Variants in ANKRD42 observed in about 807,000 individuals in gnomAD.
ANKRD42 encodes the protein ankyrin repeat domain-containing protein 42.
In ANKRD42, 43 loss-of-function variants were observed where a neutral mutation model predicts 51.5. The ratio of observed to expected loss-of-function variants is 0.83; its 90% CI spans 0.65 to 1.08. The LOEUF (loss-of-function observed/expected upper bound fraction) is 1.08, where lower values mean the gene tolerates loss of function less well. Ranked by LOEUF, ANKRD42 falls within the 50% of genes least tolerant of loss-of-function variation. The probability of loss-of-function intolerance (pLI) is 0.00; values close to 1 mark genes in which losing one functional copy is unlikely to be tolerated. For synonymous variants in ANKRD42, 203 were observed against 213.0 expected (o/e 0.95, Z 0.41); for missense variants, 608 against 629.3 (o/e 0.97, Z 0.36).
chr11:83,217,714 C>G (rs1862585381), intron 5 of ANKRD42, among the ~76,000 whole-genome samples: 1 of 152,198 alleles, frequency 6.6e-6, no homozygotes, highest in South Asian at 2.1e-4. Context: ...AGTGCGCCTT[C>G]CAGTGATTGC....
Position 83,210,437 on chromosome 11 carries a change from A to G in ANKRD42, c.450+18A>G, listed in dbSNP as rs748450866. On this transcript the variant is annotated intron_variant, in intron 4 of 10. Coordinates refer to ENST00000533342, the MANE Select transcript of ANKRD42 (RefSeq NM_001300975.2). The stretch of plus-strand genomic sequence containing the variant: ...GTGGAGTGGTGAGTGACTCCTGTTA[A>G]TATGTGCTAATGTGTGATAATATAG... The G allele has an allele frequency of 6.2e-7, 1 of 1,613,206 alleles. No homozygotes were observed. The highest frequency in any genetic ancestry group is 8.5e-7 in the Non-Finnish European group (1 of 1,179,386).
At chr11:83,236,312 C>T (rs55865715) in intron 7 of ANKRD42, 92 bp from the exon 8 acceptor site, 2 of 905,960 alleles carry the variant, frequency 2.2e-6, no homozygotes, top group African/African-American at 1.7e-5. Context: ...ACTAAGTACT[C>T]TATAATGGTA....
chr11:83,226,220 C>CACACAT (rs1279627306), intron 6 of ANKRD42, among the ~76,000 whole-genome samples: 1 of 152,002 alleles, frequency 6.6e-6, no homozygotes, highest in African/African-American at 2.4e-5. Flanking sequence ...TACACACACA[C>CACACAT]ACACACATAC....
intron 9 of ANKRD42, among the ~76,000 whole-genome samples, chr11:83,243,191 A>G (rs973673098): frequency 1.3e-5 from 2 of 152,086 alleles, no homozygotes; most frequent in South Asian, 4.2e-4. Context: ...ATGGCATTTC[A>G]TTGTGGTTTT....
chr11:83,212,667 C>A (rs1327917675), intron 5 of ANKRD42: 1 of 1,536,004 alleles, frequency 6.5e-7, no homozygotes, highest in East Asian at 2.4e-5. Context: ...TCCTTAGATC[C>A]CTGTGGAGCC....
chr11:83,224,513 A>T (rs181912325), intron 5 of ANKRD42, among the ~76,000 whole-genome samples: 18 of 152,328 alleles, frequency 1.2e-4, no homozygotes, highest in Admixed American at 2.6e-4. Context: ...CAGGCTGGGA[A>T]AAAGGTCTCT....
intron 1 of ANKRD42, among the ~76,000 whole-genome samples, chr11:83,195,150 C>G (rs1043936682): frequency 3.3e-5 from 5 of 152,260 alleles, no homozygotes; most frequent in South Asian, 4.1e-4. Flanking sequence ...CAGCTTTTAC[C>G]CCTTGATGAT....
At chr11:83,199,920 C>T (rs1284290299) in intron 2 of ANKRD42, among the ~76,000 whole-genome samples, 1 of 152,136 alleles carries the variant, frequency 6.6e-6, no homozygotes, top group African/African-American at 2.4e-5. Flanking sequence ...TTCTTTGGAG[C>T]CTGATGGTTC....
At position 83,224,977 on chromosome 11, in the gene ANKRD42, C is replaced by G; in HGVS notation, c.709C>G (p.Gln237Glu). 1 of 1,613,544 alleles carries G rather than the reference C, an allele frequency of 6.2e-7. No individual in the cohort carries two copies. Among genetic ancestry groups the G allele is most frequent in the South Asian group, 1.1e-5 (1 of 91,032 alleles). ...TGGAGAAAATGTACTGGATTTGGCC[C>G]AGAGGTTCTTCAAGCAGAACATTTT... ...DNGENVLDLA[Q>E]RFFKQNILQF... is the part of the protein sequence containing the mutation. Residue 237 changes from glutamine to glutamate, a missense_variant, in exon 6 of 11, where the codon CAG (glutamine) becomes GAG (glutamate). Physicochemically the swap from Gln to Glu is conservative, Grantham distance 29. Coordinates refer to ENST00000533342, the MANE Select transcript of ANKRD42 (RefSeq NM_001300975.2).
rs1862266693 is a variant in ANKRD42, at chr11:83,210,390, A to G, written c.421A>G (p.Thr141Ala). The G allele has an allele frequency of 6.2e-7, 1 of 1,613,984 alleles. No homozygotes were observed. The highest frequency in any genetic ancestry group is 8.5e-7 in the Non-Finnish European group (1 of 1,179,914). ...HLAATHGHSFTLQIMLRSGVD... is the reference protein window; with the variant it reads ...HLAATHGHSFALQIMLRSGVD... ...TGCTGCAACTCATGGACATTCTTTC[A>G]CTTTACAAATAATGCTCCGAAGTGG... The change falls in exon 4 of 11, where the codon ACT becomes GCT. Residue 141 changes from threonine (T) to alanine (A), a missense_variant. Coordinates refer to ENST00000533342, the MANE Select transcript of ANKRD42 (RefSeq NM_001300975.2).
chr11:83,220,830 T>C (rs1294557930), intron 5 of ANKRD42, among the ~76,000 whole-genome samples: 1 of 152,236 alleles, frequency 6.6e-6, no homozygotes, highest in Non-Finnish European at 1.5e-5. Flanking sequence ...TCTTTGACCT[T>C]TGAGAGTTTG....
intron 1 of ANKRD42, among the ~76,000 whole-genome samples, chr11:83,195,662 GTTATC>G (rs1409973490): frequency 2.6e-5 from 4 of 152,066 alleles, no homozygotes; most frequent in Non-Finnish European, 5.9e-5. Flanking sequence ...ACACCTTGGA[GTTATC>G]TTATTACTTT....
rs138571031 is a variant in ANKRD42, at chr11:83,205,970, T to A, written c.223-88T>A. Reference sequence around the variant, plus strand: ...CATGGATCTCTCATTCACTACAGTCTGCTATTTTATGATAACAGACCAAAT... The same window carrying A: ...CATGGATCTCTCATTCACTACAGTCAGCTATTTTATGATAACAGACCAAAT... On this transcript the variant is annotated intron_variant, in intron 2 of 10. Coordinates refer to ENST00000533342, the MANE Select transcript of ANKRD42 (RefSeq NM_001300975.2). The A allele has an allele frequency of 2.4e-3, 2,603 of 1,078,118 alleles. 42 individuals carry two copies. In the African/African-American group the frequency reaches 0.036, roughly 15 times the overall value. The allele number at this position is 1,078,118 out of a possible 1,614,324, so 66.8% of individuals were successfully genotyped here. A position where few individuals can be genotyped will look rare whatever the true frequency, so the allele number is the denominator to read the frequency against.
At position 83,210,358 on chromosome 11, in the gene ANKRD42, T is replaced by C. The variant is rs1565180557; in HGVS notation, c.389T>C (p.Leu130Ser). The change falls in exon 4 of 11, where the codon TTA becomes TCA. Residue 130 changes from leucine (L) to serine (S), a missense_variant. Leu to Ser is a moderately radical substitution (Grantham distance 145). Transcript: ENST00000533342. ...TAQDDRGCTP[L>S]HLAATHGHSF... Reference sequence around the variant, plus strand: ...CAGGATGACCGGGGATGCACTCCTTTACATCTTGCTGCAACTCATGGACAT... The same window carrying C: ...CAGGATGACCGGGGATGCACTCCTTCACATCTTGCTGCAACTCATGGACAT... The C allele has an allele frequency of 6.2e-7, 1 of 1,613,948 alleles. No homozygotes were observed. The highest frequency in any genetic ancestry group is 8.5e-7 in the Non-Finnish European group (1 of 1,179,954).
At chr11:83,228,248 T>C (rs1388006645) in intron 7 of ANKRD42, among the ~76,000 whole-genome samples, 16 of 122,502 alleles carry the variant, frequency 1.3e-4, no homozygotes, top group Middle Eastern at 3.6e-3. Flanking sequence ...TTTTTTTTTT[T>C]TTTTTTTTTT....
intron 5 of ANKRD42, among the ~76,000 whole-genome samples, chr11:83,211,863 GTATA>G (rs1862334664): frequency 6.6e-6 from 1 of 152,006 alleles, no homozygotes; most frequent in East Asian, 1.9e-4. Context: ...AAACGAAGTA[GTATA>G]TATGTTGACA....
At position 83,193,742 on chromosome 11, in the gene ANKRD42, T is replaced by A. The variant is rs988002868; in HGVS notation, c.-929T>A. Reference sequence around the variant, plus strand: ...TTTCCAAGGCGACGGCCCTGCTGCCTCTCCAGCCAAGTGGCTGGAGTCGGG... The same window carrying A: ...TTTCCAAGGCGACGGCCCTGCTGCCACTCCAGCCAAGTGGCTGGAGTCGGG... On this transcript the variant is annotated 5_prime_UTR_variant, in exon 1 of 11. Transcript: ENST00000533342. The A allele has an allele frequency of 1.4e-5, 6 of 422,480 alleles. No homozygotes were observed. Among genetic ancestry groups the A allele is most frequent in the Non-Finnish European group, 2.8e-5 (6 of 211,624 alleles). The allele number at this position is 422,480 out of a possible 1,614,324, so 26.2% of individuals were successfully genotyped here. A position where few individuals can be genotyped will look rare whatever the true frequency, so the allele number is the denominator to read the frequency against.
intron 7 of ANKRD42, among the ~76,000 whole-genome samples, chr11:83,229,586 T>C (rs779426168): frequency 6.6e-6 from 1 of 152,194 alleles, no homozygotes; most frequent in East Asian, 1.9e-4. Context: ...CTTCACCACT[T>C]GAACTGAAAG....
chr11:83,249,054 T>G, downstream of ANKRD42: 2 of 896,722 alleles, frequency 2.2e-6, no homozygotes, highest in Non-Finnish European at 2.7e-6. Flanking sequence ...AGGCCAGCTG[T>G]ACAGTCATGT....
Sources: allele counts gnomAD v4.1 joint callset (sites outside exome capture counted in the v4.1 genomes callset), GRCh38; gene constraint gnomAD v4.1.1; transcripts MANE v1.5; gene names NCBI Gene and HGNC (gene_info 2026-07-23, HGNC 2026-07-21).